The following ZBTB46 variants were observed in gnomAD, a reference collection of about 807,000 sequenced individuals.
The protein encoded by ZBTB46 is zinc finger and BTB domain containing 46, also known as zinc finger and BTB domain-containing protein 46.
In ZBTB46, 8 loss-of-function variants were observed where a neutral mutation model predicts 44.1. The ratio of observed to expected loss-of-function variants is 0.18; its 90% confidence interval spans 0.11 to 0.33. ZBTB46 has a LOEUF of 0.33. Ranked by LOEUF, ZBTB46 falls within the 10% of genes least tolerant of loss-of-function variation. The pLI, the probability that ZBTB46 is intolerant of heterozygous loss-of-function variation, is 1.00. For missense variants in ZBTB46, 651 were observed against 847.7 expected, an observed-to-expected ratio of 0.77 and a Z score of 2.88; for synonymous variants, 409 against 382.3, an observed-to-expected ratio of 1.07 and a Z score of -0.81.
chr20:63,782,381 C>T (rs4809344), intron 2 of ZBTB46, among the ~76,000 whole-genome samples: 1 of 152,064 alleles, frequency 6.6e-6, no homozygotes, highest in African/African-American at 2.4e-5. Context: ...GGAATGATGT[C>T]GGGCCACGAG....
chr20:63,797,658 G>A (rs1205339366), intron 1 of ZBTB46, among the ~76,000 whole-genome samples: 1 of 152,160 alleles, frequency 6.6e-6, no homozygotes, highest in African/African-American at 2.4e-5. Context: ...ATCCTCTCCA[G>A]CACCTATTGC....
rs1263460312 is a variant in ZBTB46, at chr20:63,745,968, C to T, written c.*962G>A. ...TTTATGTAACTACCTCGATATGTCT[C>T]TGACTACTTAAAAATTTGGTTACCC... On this transcript the variant is annotated 3_prime_UTR_variant, in exon 5 of 5. Transcript: ENST00000245663. 2 of 152,712 alleles carry T rather than the reference C, an allele frequency of 1.3e-5. No individual in the cohort carries two copies. The highest frequency in any genetic ancestry group is 2.1e-4 in the South Asian group (1 of 4,838). The allele number at this position is 152,712 out of a possible 1,614,324, so 9.5% of individuals were successfully genotyped here. A position where few individuals can be genotyped will look rare whatever the true frequency, so the allele number is the denominator to read the frequency against.
In ZBTB46 at chr20:63,787,287, G is replaced by A. The variant is rs950496041; in HGVS notation, c.937+2534C>T. Among the ~76,000 whole-genome samples, 2 of 152,062 alleles carry A rather than the reference G, an allele frequency of 1.3e-5. No homozygotes were observed. Among genetic ancestry groups the A allele is most frequent in the Admixed American group, 6.6e-5 (1 of 15,246 alleles). ...AATAGCCATCGCCATCCTAGCCATC[G>A]CCATCCTAGCCATCGCCACATCCTA... On this transcript the variant is annotated intron_variant, in intron 2 of 4. Coordinates refer to ENST00000245663, the MANE Select transcript of ZBTB46 (RefSeq NM_001369741.1). This position sits in a 1 kb window ranked among gnomAD's most constrained non-coding sequence, Gnocchi z 4.6.
chr20:63,768,619 A>G lies in ZBTB46; in HGVS notation c.1222+7059T>C, dbSNP rs550144978. Among the ~76,000 whole-genome samples, 5 of 152,300 alleles carry G rather than the reference A, an allele frequency of 3.3e-5. No individual in the cohort carries two copies. The East Asian group carries it at 5.8e-4, about 18-fold the overall frequency. The stretch of plus-strand genomic sequence containing the variant: ...CAGACTCTGTCTCAAAAGAAAAAAA[A>G]AAAAAGTGGTTGAGCTCTTGTTAAA... On this transcript the variant is annotated intron_variant, in intron 3 of 4. Transcript: ENST00000245663.
At chr20:63,781,217 G>A (rs1335557092) in intron 2 of ZBTB46, among the ~76,000 whole-genome samples, 2 of 150,792 alleles carry the variant, frequency 1.3e-5, no homozygotes, top group Admixed American at 1.3e-4. Flanking sequence ...GCACATACTT[G>A]ATGAAGGACT....
chr20:63,781,589 G>A (rs943174430), intron 2 of ZBTB46, among the ~76,000 whole-genome samples: 10 of 152,268 alleles, frequency 6.6e-5, no homozygotes, highest in South Asian at 2.1e-4. Flanking sequence ...TCAGGAGTTC[G>A]AGACCAGCCT....
intron 1 of ZBTB46, among the ~76,000 whole-genome samples, chr20:63,802,770 A>G (rs1022452520): frequency 1.6e-5 from 1 of 63,572 alleles, no homozygotes; most frequent in East Asian, 3.7e-4. Flanking sequence ...GGCCCCCAGC[A>G]CCCTCCCAGG....
intron 1 of ZBTB46, among the ~76,000 whole-genome samples, chr20:63,801,605 C>A (rs2092645963): frequency 6.6e-6 from 1 of 152,186 alleles, no homozygotes; most frequent in Non-Finnish European, 1.5e-5. Flanking sequence ...TCCACACTGT[C>A]TTTATGAGCT....
At chr20:63,819,568 T>C (rs2092779532) in intron 1 of ZBTB46, among the ~76,000 whole-genome samples, 1 of 152,156 alleles carries the variant, frequency 6.6e-6, no homozygotes, top group Admixed American at 6.6e-5. Flanking sequence ...CCAAGGTCTC[T>C]AGCAATTTCC....
intron 3 of ZBTB46, among the ~76,000 whole-genome samples, chr20:63,766,848 G>T (rs1275260837): frequency 6.6e-6 from 1 of 152,242 alleles, no homozygotes; most frequent in Non-Finnish European, 1.5e-5. Flanking sequence ...GGGATGGGCT[G>T]TTGGGCAGAT....
chr20:63,754,750 C>T (rs1295175115), intron 3 of ZBTB46, among the ~76,000 whole-genome samples: 1 of 152,040 alleles, frequency 6.6e-6, no homozygotes, highest in African/African-American at 2.4e-5. Context: ...CAGGCGCCCG[C>T]CACCACACCC....
chr20:63,825,874 G>T (rs2092816911), intron 1 of ZBTB46, among the ~76,000 whole-genome samples: 1 of 152,190 alleles, frequency 6.6e-6, no homozygotes, highest in Non-Finnish European at 1.5e-5. Flanking sequence ...TGCTCCCCAT[G>T]CCCCAGCAGA....
At chr20:63,795,442 G>C (rs1411668413) in intron 1 of ZBTB46, among the ~76,000 whole-genome samples, 1 of 152,262 alleles carries the variant, frequency 6.6e-6, no homozygotes, top group Admixed American at 6.5e-5. Context: ...CAGGCAGTGA[G>C]GGGGGCTGCG....
chr20:63,761,754 C>T (rs2315649), intron 3 of ZBTB46, among the ~76,000 whole-genome samples: 45,972 of 146,634 alleles, frequency 0.31, 7,623 homozygotes, highest in Admixed American at 0.4. Context: ...TGCACTCCAG[C>T]CTGGGTGACA....
At chr20:63,831,656 A>G (rs992416035), upstream of ZBTB46, among the ~76,000 whole-genome samples, 1 of 149,550 alleles carries the variant, frequency 6.7e-6, no homozygotes, top group African/African-American at 2.4e-5. Context: ...AGCGCGGAGC[A>G]GCCTGGAAAC....
intron 1 of ZBTB46, 147 bp from the exon 2 acceptor site, chr20:63,790,937 C>T (rs947867377): frequency 4.9e-5 from 58 of 1,194,412 alleles, no homozygotes; most frequent in Non-Finnish European, 6.6e-5. Flanking sequence ...AGGTGTGCAG[C>T]GGGAGGCCTG....
At chr20:63,753,478 T>C (rs2092190303) in intron 3 of ZBTB46, among the ~76,000 whole-genome samples, 1 of 152,170 alleles carries the variant, frequency 6.6e-6, no homozygotes. Context: ...ACCATCTCCA[T>C]GGTGCGTGCC....
intron 1 of ZBTB46, chr20:63,808,093 G>A (rs1176785429): frequency 2.0e-5 from 3 of 151,886 alleles, no homozygotes; most frequent in Non-Finnish European, 4.4e-5. Flanking sequence ...TGAACGGACC[G>A]ACGGAGGTGG....
At chr20:63,774,779 C>T (rs1164389846) in intron 3 of ZBTB46, among the ~76,000 whole-genome samples, 7 of 56,426 alleles carry the variant, frequency 1.2e-4, no homozygotes, top group Non-Finnish European at 2.1e-4. Flanking sequence ...TCTCGGCTCA[C>T]TGCAAGCTCT....
Sources: gnomAD v4.1 joint callset for allele counts (sites outside exome capture counted in the v4.1 genomes callset) on GRCh38, gnomAD v4.1.1 for gene constraint, Gnocchi (gnomAD v3.1) non-coding constraint, MANE v1.5 for transcripts, NCBI Gene and HGNC (gene_info 2026-07-23, HGNC 2026-07-21) for gene names.